TMEM168: variants seen among roughly 807,000 people sequenced by gnomAD.
TMEM168 encodes transmembrane protein 168.
TMEM168 carries 40 observed loss-of-function variants against 53.2 expected under a neutral mutation model. The ratio of observed to expected loss-of-function variants is 0.75; its 90% CI spans 0.58 to 0.98. The LOEUF is 0.98. TMEM168 is among the 50% of genes least tolerant of loss of function. The pLI is 0.00. For synonymous variants in TMEM168, 282 were observed against 293.0 expected (o/e 0.96, Z 0.38); for missense variants, 771 against 828.8 (o/e 0.93, Z 0.86).
At chr7:112,789,433 C>A (rs1028691023) in intron 1 of TMEM168, among the ~76,000 whole-genome samples, 1 of 152,206 alleles carries the variant, frequency 6.6e-6, no homozygotes, top group Non-Finnish European at 1.5e-5. Flanking sequence ...GAAATAACTA[C>A]ATTTAACAAC....
At chr7:112,783,330 G>C (rs1793280519) in intron 2 of TMEM168, among the ~76,000 whole-genome samples, 1 of 152,178 alleles carries the variant, frequency 6.6e-6, no homozygotes, top group Non-Finnish European at 1.5e-5. Flanking sequence ...AGTGACTCTG[G>C]ATGTGTCTTC....
In TMEM168 at chr7:112,775,247, G is replaced by A. The variant is rs765187727; in HGVS notation, c.1200C>T (p.Phe400=). ...LPLESMAHGL[F]HELGNCLGGT... Reference sequence around the variant, plus strand: ...CTCCTAAACAGTTACCCAATTCATGGAAGAGCCCATGAGCCATGGATTCCA... The same window carrying A: ...CTCCTAAACAGTTACCCAATTCATGAAAGAGCCCATGAGCCATGGATTCCA... Residue 400 remains phenylalanine (F), a synonymous_variant, in exon 3 of 5, where the codon TTC becomes TTT. Transcript: ENST00000312814. 1.2e-6 allele frequency: 2 copies of A among 1,613,744 alleles called. No individual in the cohort carries two copies. The highest frequency in any genetic ancestry group is 4.5e-5 in the East Asian group (2 of 44,806).
chr7:112,775,035 A>T, intron 3 of TMEM168, 141 bp downstream of exon 3: 2 of 593,854 alleles, frequency 3.4e-6, no homozygotes, highest in South Asian at 5.3e-5. Context: ...CACTTGGAAT[A>T]AAGTTTGTTA....
chr7:112,772,619 TAGGCTA>T (rs1313572160), intron 4 of TMEM168, among the ~76,000 whole-genome samples, 156 bp downstream of exon 4: 3 of 152,170 alleles, frequency 2.0e-5, no homozygotes, highest in African/African-American at 7.2e-5. Flanking sequence ...GAGATTAAAT[TAGGCTA>T]AACAGGTATG....
Position 112,784,774 on chromosome 7 carries a change from T to A in TMEM168, c.52A>T (p.Thr18Ser), listed in dbSNP as rs111821592. 4,825 of 1,609,882 alleles carry A rather than the reference T, an allele frequency of 3.0e-3. 12 individuals are homozygous for A. Among genetic ancestry groups the A allele is most frequent in the Non-Finnish European group, 3.6e-3 (4,251 of 1,179,062 alleles). Residue 18 changes from threonine (T) to serine (S), a missense_variant, in exon 2 of 5, where the codon ACA becomes TCA. Physicochemically the swap from Thr to Ser is moderately conservative, Grantham distance 58 (BLOSUM62 1). Transcript: ENST00000312814. ...TCTCTATTTACTTCTTCCAGTCTTG[T>A]CATTGCTAAATAGAGACAATGACTA... is the stretch of plus-strand genomic sequence containing the variant. Reference protein sequence around the residue: ...CFSHCLYLAMTRLEEVNREVN... With the variant: ...CFSHCLYLAMSRLEEVNREVN...
chr7:112,772,884 T>C lies in TMEM168; in HGVS notation c.1443A>G (p.Leu481=). 1.2e-6 allele frequency: 2 copies of C among 1,614,106 alleles called. No homozygotes were observed. Among genetic ancestry groups the C allele is most frequent in the African/African-American group, 2.7e-5 (2 of 75,048 alleles). The change falls in exon 4 of 5, where the codon CTA becomes CTG. Residue 481 remains leucine (L), a synonymous_variant. Transcript: ENST00000312814. ...CTGTCCGAAGTTCGAGGAAAGCTTT[T>C]AGTTTGGAATGCAGAGTATCAAATG... ...GLSFDTLHSK[L]KAFLELRTVD...
At chr7:112,771,961 A>C (rs906759939) in intron 4 of TMEM168, among the ~76,000 whole-genome samples, 5 of 152,106 alleles carry the variant, frequency 3.3e-5, no homozygotes, top group African/African-American at 1.2e-4. Context: ...TCTATCAGCT[A>C]CTTAAGGATC....
At chr7:112,779,593 A>G (rs530402239) in intron 2 of TMEM168, among the ~76,000 whole-genome samples, 11 of 152,350 alleles carry the variant, frequency 7.2e-5, no homozygotes, top group Non-Finnish European at 1.2e-4. Flanking sequence ...TCCTCAGCTC[A>G]TTATCAAATT....
chr7:112,785,030 A>C (rs1455161901), intron 1 of TMEM168, 77 bp from the exon 2 acceptor site: 3 of 397,060 alleles, frequency 7.6e-6, no homozygotes, highest in African/African-American at 2.1e-5. Flanking sequence ...TGCATATAGA[A>C]AGTGAAAAAA....
rs1222992600 is a variant in TMEM168 at position 112,772,959 on chromosome 7, T to C, written c.1368A>G (p.Ala456=). 4 of 1,614,104 alleles carry C rather than the reference T, an allele frequency of 2.5e-6. No individual in the cohort carries two copies. The highest frequency in any genetic ancestry group is 2.2e-5 in the East Asian group (1 of 44,870). Reference sequence around the variant, plus strand: ...ATCCATAGGTCTCAATCATATGATATGCAAAAAATCTTTGGATAGCATTGA... The same window carrying C: ...ATCCATAGGTCTCAATCATATGATACGCAAAAAATCTTTGGATAGCATTGA... The part of the protein sequence containing the change: ...GMLNAIQRFF[A]YHMIETYGCD... The change falls in exon 4 of 5, where the codon GCA becomes GCG. Residue 456 remains alanine, a synonymous_variant. Coordinates refer to ENST00000312814, the MANE Select transcript of TMEM168 (RefSeq NM_022484.6).
chr7:112,765,127 T>C lies in TMEM168; in HGVS notation c.*2070A>G, dbSNP rs551790474. ...CACTGCACCCGGCCTAGTTATTGTTTTTAAAATGTTAGCTTTGTGATACCA... is the reference window on the plus strand; with the variant it reads ...CACTGCACCCGGCCTAGTTATTGTTCTTAAAATGTTAGCTTTGTGATACCA... On this transcript the variant is annotated 3_prime_UTR_variant, in exon 5 of 5. Transcript: ENST00000312814. The C allele has an allele frequency of 9.2e-5, 14 of 152,384 alleles. No individual in the cohort carries two copies. The highest frequency in any genetic ancestry group is 3.4e-4 in the African/African-American group (14 of 41,590). 9.4% of individuals were successfully genotyped at this position (152,384 alleles called of 1,614,324 possible).
intron 3 of TMEM168, among the ~76,000 whole-genome samples, chr7:112,774,494 A>G (rs1170901875): frequency 6.6e-6 from 1 of 151,978 alleles, no homozygotes; most frequent in Non-Finnish European, 1.5e-5. Context: ...CAAAGGTAAC[A>G]AAGAACTAGA....
chr7:112,789,632 G>A (rs1793489196), intron 1 of TMEM168, among the ~76,000 whole-genome samples: 1 of 152,168 alleles, frequency 6.6e-6, no homozygotes, highest in African/African-American at 2.4e-5. Flanking sequence ...CCTACCTCTA[G>A]GGAATGGCTT....
chr7:112,783,869 G>C lies in TMEM168; in HGVS notation c.957C>G (p.Phe319Leu). 6.2e-7 allele frequency: 1 copy of C among 1,603,426 alleles called. No individual in the cohort carries two copies. Among genetic ancestry groups the C allele is most frequent in the Non-Finnish European group, 8.5e-7 (1 of 1,176,886 alleles). Residue 319 changes from phenylalanine to leucine, a missense_variant, in exon 2 of 5, where the codon TTC becomes TTG. Physicochemically the swap from Phe to Leu is conservative, Grantham distance 22. Transcript: ENST00000312814. Reference protein sequence around the residue: ...HIIFLLTLWGFHTKLNDCHKV... With the variant: ...HIIFLLTLWGLHTKLNDCHKV... ...TATGGCAGTCATTTAATTTGGTATG[G>C]AATCCCCAAAGAGTTAAAAGAAAAA... is the stretch of plus-strand genomic sequence containing the variant.
At chr7:112,780,102 C>T (rs145142899) in intron 2 of TMEM168, among the ~76,000 whole-genome samples, 12 of 152,232 alleles carry the variant, frequency 7.9e-5, no homozygotes, top group Admixed American at 4.6e-4. Context: ...GACTTCTTTA[C>T]GTGGAAGAAG....
rs913308431 is a variant in TMEM168 at position 112,767,258 on chromosome 7, A to G, written c.2033T>C (p.Met678Thr). The change falls in exon 5 of 5, where the codon ATG becomes ACG. Residue 678 changes from methionine to threonine, a missense_variant. Transcript: ENST00000312814. ...CAGCACAGTAGGAAGAAACCAACTC[A>G]TTTTTAATCTTTTCAAGCACCTAAA... ...TCFRCLKRLK[M>T]SWFLPTVLDT... The G allele has an allele frequency of 1.9e-6, 3 of 1,613,994 alleles. No homozygotes were observed. The African/African-American group carries it at 4.0e-5, about 22-fold the overall frequency.
rs752852979 is a variant in TMEM168 at position 112,784,691 on chromosome 7, C to T, written c.135G>A (p.Leu45=). The T allele has an allele frequency of 1.2e-6, 2 of 1,613,992 alleles. No homozygotes were observed. Among genetic ancestry groups the T allele is most frequent in the Non-Finnish European group, 8.5e-7 (1 of 1,179,986 alleles). Residue 45 remains leucine (L), a synonymous_variant, in exon 2 of 5, where the codon TTG becomes TTA. Coordinates refer to ENST00000312814, the MANE Select transcript of TMEM168 (RefSeq NM_022484.6). ...CGTATAGACCTAAGCATATAGCAAC[C>T]AATAAATTGATTCTGGCTAAATAGC... ...YLGYLARINL[L]VAICLGLYVR... is the part of the protein sequence containing the mutation.
intron 2 of TMEM168, among the ~76,000 whole-genome samples, chr7:112,780,294 G>C (rs73205164): frequency 0.018 from 2,796 of 152,288 alleles, 35 homozygotes; most frequent in South Asian, 0.024. Flanking sequence ...ATGTATGGCA[G>C]TATAAAGTTA....
chr7:112,777,135 T>C (rs1417217890), intron 2 of TMEM168, among the ~76,000 whole-genome samples: 2 of 152,148 alleles, frequency 1.3e-5, no homozygotes, highest in African/African-American at 4.8e-5. Context: ...ATGCTGTTTT[T>C]TGCTTAACAT....
Sources: gnomAD v4.1 joint callset for allele counts (sites outside exome capture counted in the v4.1 genomes callset) on GRCh38, gnomAD v4.1.1 for gene constraint, MANE v1.5 for transcripts, NCBI Gene and HGNC (gene_info 2026-07-23, HGNC 2026-07-21) for gene names.